NRG1: variants seen among roughly 807,000 people sequenced by gnomAD.
NRG1 encodes pro-neuregulin-1, membrane-bound isoform.
In NRG1, 18 loss-of-function variants were observed where a neutral mutation model predicts 63.8. That is an observed-to-expected ratio of 0.28 (90% CI 0.19 to 0.42). The LOEUF is 0.42. Among genes scored for constraint, NRG1 ranks in the 10% least tolerant of loss-of-function variants. The pLI, the probability that NRG1 is intolerant of heterozygous loss-of-function variation, is 1.00. For synonymous variants in NRG1, 302 were observed against 301.3 expected, an observed-to-expected ratio of 1.00 and a Z score of -0.02; for missense variants, 762 against 814.7, an observed-to-expected ratio of 0.94 and a Z score of 0.79.
chr8:31,679,685 C>T (rs1808114239), intron 1 of NRG1, among the ~76,000 whole-genome samples: 2 of 152,106 alleles, frequency 1.3e-5, no homozygotes, highest in Admixed American at 6.6e-5. Flanking sequence ...CATTTCTATG[C>T]AGCATTATTA....
chr8:32,753,469 T>G (rs1471941183), intron 7 of NRG1, among the ~76,000 whole-genome samples: 1 of 152,232 alleles, frequency 6.6e-6, no homozygotes, highest in Non-Finnish European at 1.5e-5. Context: ...CTTAGTATAA[T>G]CTACATTAGC....
At chr8:31,772,314 C>T (rs1282202998) in intron 1 of NRG1, among the ~76,000 whole-genome samples, 4 of 152,150 alleles carry the variant, frequency 2.6e-5, no homozygotes, top group African/African-American at 9.7e-5. Flanking sequence ...CATCCTGCCT[C>T]TCCCACGGAA....
At chr8:32,248,952 G>C (rs1848834150) in intron 1 of NRG1, among the ~76,000 whole-genome samples, 1 of 151,966 alleles carries the variant, frequency 6.6e-6, no homozygotes, top group African/African-American at 2.4e-5. Flanking sequence ...TATTGTCTCT[G>C]AGTTATGTTC....
At chr8:32,555,403 A>C (rs1834930655) in intron 1 of NRG1, among the ~76,000 whole-genome samples, 1 of 152,170 alleles carries the variant, frequency 6.6e-6, no homozygotes, top group African/African-American at 2.4e-5. Flanking sequence ...TAGGAGCCCC[A>C]CTTTGATTGA....
intron 1 of NRG1, among the ~76,000 whole-genome samples, chr8:31,900,706 G>T (rs749580565): frequency 6.6e-6 from 1 of 152,094 alleles, no homozygotes; most frequent in East Asian, 1.9e-4. Flanking sequence ...GCTTCGTGGC[G>T]TATATAAACT....
At chr8:31,815,126 T>C in intron 1 of NRG1, among the ~76,000 whole-genome samples, 1 of 152,160 alleles carries the variant, frequency 6.6e-6, no homozygotes. Flanking sequence ...AAGTATACGA[T>C]TCACTGGTAT....
At chr8:32,431,088 G>T (rs923764815) in intron 1 of NRG1, among the ~76,000 whole-genome samples, 7 of 152,140 alleles carry the variant, frequency 4.6e-5, no homozygotes, top group Non-Finnish European at 7.3e-5. Flanking sequence ...TTTAGAGAAT[G>T]AATGTGAGGC....
intron 6 of NRG1, among the ~76,000 whole-genome samples, chr8:32,741,613 T>C (rs544915548): frequency 1.3e-5 from 2 of 152,294 alleles, no homozygotes; most frequent in Non-Finnish European, 2.9e-5. Context: ...CAAGATCATT[T>C]ATTGATAAGA....
intron 5 of NRG1, among the ~76,000 whole-genome samples, chr8:32,690,045 C>T (rs1811165905): frequency 6.6e-6 from 1 of 152,072 alleles, no homozygotes; most frequent in South Asian, 2.1e-4. Context: ...TGTCCTTGCC[C>T]TTCCTGATAC....
intron 1 of NRG1, among the ~76,000 whole-genome samples, chr8:32,436,484 A>G (rs1818804786): frequency 6.6e-6 from 1 of 152,188 alleles, no homozygotes; most frequent in Non-Finnish European, 1.5e-5. Context: ...CTTTATAGTT[A>G]TCCAGTAACC....
intron 1 of NRG1, among the ~76,000 whole-genome samples, chr8:32,044,167 A>G (rs1353644780): frequency 6.6e-6 from 1 of 151,946 alleles, no homozygotes; most frequent in African/African-American, 2.4e-5. Context: ...TCAATATTAG[A>G]CAAAATAGAC....
Position 31,786,767 on chromosome 8 carries a change from G to A in NRG1, c.37+147336G>A, listed in dbSNP as rs1430219045. 2.0e-5 allele frequency among the ~76,000 whole-genome samples: 3 copies of A among 152,150 alleles called. No homozygotes were observed. The East Asian group carries it at 5.8e-4, about 29-fold the overall frequency. ...AAATGTGTAAGGTAAGGCATGGGTG[G>A]TGGGGGACAGAGCTTCTATGCCCTT... is the stretch of plus-strand genomic sequence containing the variant. On this transcript the variant is annotated intron_variant, in intron 1 of 10. Coordinates refer to the NRG1 transcript ENST00000519301.
chr8:32,205,699 A>G (rs1843983911), intron 1 of NRG1, among the ~76,000 whole-genome samples: 1 of 152,156 alleles, frequency 6.6e-6, no homozygotes, highest in African/African-American at 2.4e-5. Flanking sequence ...CCGACTTGCT[A>G]CTGCTAAAGA....
At chr8:32,101,447 T>C (rs1012767382) in intron 1 of NRG1, among the ~76,000 whole-genome samples, 3 of 151,576 alleles carry the variant, frequency 2.0e-5, no homozygotes, top group African/African-American at 7.3e-5. Flanking sequence ...GCCAGCAGTC[T>C]TTTTCATACC....
chr8:31,958,148 C>G (rs909376827), intron 1 of NRG1, among the ~76,000 whole-genome samples: 2 of 151,808 alleles, frequency 1.3e-5, no homozygotes, highest in African/African-American at 4.8e-5. Context: ...GTTTGTATCT[C>G]TAAGTACATG....
At chr8:31,791,276 A>G (rs931736092) in intron 1 of NRG1, among the ~76,000 whole-genome samples, 5 of 151,986 alleles carry the variant, frequency 3.3e-5, no homozygotes, top group African/African-American at 4.8e-5. Context: ...CCTCATGCCA[A>G]CTCAGATCAG....
intron 1 of NRG1, among the ~76,000 whole-genome samples, chr8:31,862,841 A>C (rs1346494645): frequency 1.3e-5 from 2 of 152,164 alleles, no homozygotes; most frequent in Non-Finnish European, 2.9e-5. Context: ...CTGAAAGTCA[A>C]CTTTGTCCCC....
chr8:32,714,026 T>C (rs1435659120), intron 5 of NRG1, among the ~76,000 whole-genome samples: 2 of 152,072 alleles, frequency 1.3e-5, no homozygotes, highest in African/African-American at 4.8e-5. Context: ...GGTTTCACCA[T>C]GTTGAGCAAG....
intron 1 of NRG1, among the ~76,000 whole-genome samples, chr8:31,895,914 T>G (rs16878408): frequency 0.15 from 22,886 of 152,166 alleles, 2,047 homozygotes; most frequent in Non-Finnish European, 0.19. Context: ...ACAGAAAGAA[T>G]GAAGAATTAA....
Sources: allele counts gnomAD v4.1 joint callset (sites outside exome capture counted in the v4.1 genomes callset), GRCh38; gene constraint gnomAD v4.1.1; transcripts MANE v1.5; gene names NCBI Gene and HGNC (gene_info 2026-07-23, HGNC 2026-07-21).